PGBD5: variants seen among roughly 807,000 people sequenced by gnomAD.
The protein encoded by PGBD5 is piggyBac transposable element derived 5.
A neutral mutation model predicts 47.9 loss-of-function variants in PGBD5; 14 were observed. That is an observed-to-expected ratio of 0.29 (90% CI 0.19 to 0.46). The LOEUF is 0.46. Among genes scored for constraint, PGBD5 ranks in the 20% least tolerant of loss-of-function variants. The pLI is 1.00. For synonymous variants in PGBD5, 316 were observed against 306.3 expected, an observed-to-expected ratio of 1.03 and a Z score of -0.33; for missense variants, 635 against 716.0, an observed-to-expected ratio of 0.89 and a Z score of 1.29.
intron 1 of PGBD5, among the ~76,000 whole-genome samples, chr1:230,423,344 A>G (rs1038843425): frequency 2.0e-5 from 3 of 152,206 alleles, no homozygotes; most frequent in Non-Finnish European, 4.4e-5. Context: ...ATAAACAGGG[A>G]ACAAAGATGG....
At chr1:230,358,839 G>T (rs1558198941) in intron 1 of PGBD5, among the ~76,000 whole-genome samples, 1 of 152,170 alleles carries the variant, frequency 6.6e-6, no homozygotes, top group Non-Finnish European at 1.5e-5. Context: ...TGCCATACAG[G>T]TTTGTATAAG....
rs532774597 is a variant in PGBD5, at chr1:230,348,123, C to T, written c.894+2835G>A. Among the ~76,000 whole-genome samples the T allele has an allele frequency of 2.6e-5, 4 of 152,304 alleles. No homozygotes were observed. In the South Asian group the frequency reaches 8.3e-4, roughly 32 times the overall value. ...ACGGTCAGCTGCAACTGAGCTTCCCCGCTAAGTCATTCAGGAGAGCTCAAT... is the reference window on the plus strand; with the variant it reads ...ACGGTCAGCTGCAACTGAGCTTCCCTGCTAAGTCATTCAGGAGAGCTCAAT... On this transcript the variant is annotated intron_variant, in intron 3 of 6. Coordinates refer to ENST00000391860, the MANE Select transcript of PGBD5 (RefSeq NM_001258311.2).
At chr1:230,339,908 C>CA (rs1667384995) in intron 3 of PGBD5, among the ~76,000 whole-genome samples, 1 of 152,036 alleles carries the variant, frequency 6.6e-6, no homozygotes, top group African/African-American at 2.4e-5. Context: ...GGAATAAGTT[C>CA]AAGAGATCTA....
At chr1:230,361,943 A>T (rs1667750655) in intron 1 of PGBD5, among the ~76,000 whole-genome samples, 1 of 152,170 alleles carries the variant, frequency 6.6e-6, no homozygotes, top group South Asian at 2.1e-4. Context: ...CCCAGTGGGG[A>T]GTTGCGGGGT....
chr1:230,366,301 C>CT (rs1206230415), intron 1 of PGBD5, among the ~76,000 whole-genome samples: 1 of 152,136 alleles, frequency 6.6e-6, no homozygotes, highest in African/African-American at 2.4e-5. Flanking sequence ...ATAGTGCTGT[C>CT]TGTAGGGATG....
intron 1 of PGBD5, among the ~76,000 whole-genome samples, chr1:230,400,777 G>A (rs572564590): frequency 6.6e-6 from 1 of 152,214 alleles, no homozygotes; most frequent in South Asian, 2.1e-4. Context: ...AGAGTTCTAG[G>A]CTGTAGTGTG....
intron 1 of PGBD5, among the ~76,000 whole-genome samples, chr1:230,375,567 T>TAA (rs1247168755): frequency 4.6e-5 from 7 of 151,218 alleles, no homozygotes; most frequent in Non-Finnish European, 1.0e-4. Context: ...AGCATCTTCC[T>TAA]AATCCCTTAT....
At chr1:230,410,101 G>A (rs1275969977) in intron 1 of PGBD5, among the ~76,000 whole-genome samples, 3 of 152,288 alleles carry the variant, frequency 2.0e-5, no homozygotes, top group South Asian at 2.1e-4. Flanking sequence ...CCAGGCAAAT[G>A]CAAAGAAGAA....
Position 230,425,944 on chromosome 1 carries a change from C to T in PGBD5, c.-16G>A. 1 of 845,672 alleles carries T rather than the reference C, an allele frequency of 1.2e-6. No homozygotes were observed. Among genetic ancestry groups the T allele is most frequent in the Non-Finnish European group, 1.3e-6 (1 of 767,256 alleles). 52.4% of individuals were successfully genotyped at this position (845,672 alleles called of 1,614,324 possible). A position where few individuals can be genotyped will look rare whatever the true frequency, so the allele number is the denominator to read the frequency against. On this transcript the variant is annotated 5_prime_UTR_variant, in exon 1 of 7. Coordinates refer to ENST00000391860, the MANE Select transcript of PGBD5 (RefSeq NM_001258311.2). The surrounding 1 kb of genome is among the most constrained non-coding windows in gnomAD (Gnocchi z 4.7). The stretch of plus-strand genomic sequence containing the variant: ...CCTCGGCCATGGCCCCGGCCGCCGC[C>T]CGCGCGCCCGCCCCCACAGTGCCTC...
chr1:230,318,309 C>T lies in PGBD5; in HGVS notation c.*5116G>A, dbSNP rs1330236042. On this transcript the variant is annotated 3_prime_UTR_variant, in exon 7 of 7. Transcript: ENST00000391860. ...GAGAAATATTCTCGAAGATGAGACACACAGAAGCCACGGAGAAAAAGGGAT... is the reference window on the plus strand; with the variant it reads ...GAGAAATATTCTCGAAGATGAGACATACAGAAGCCACGGAGAAAAAGGGAT... 6.6e-6 allele frequency: 1 copy of T among 152,200 alleles called. No individual in the cohort carries two copies. The highest frequency in any genetic ancestry group is 1.5e-5 in the Non-Finnish European group (1 of 68,062). 9.4% of individuals were successfully genotyped at this position (152,200 alleles called of 1,614,324 possible).
At position 230,356,101 on chromosome 1, in the gene PGBD5, G is replaced by A. The variant is rs116244231; in HGVS notation, c.759+793C>T. 7.1e-3 allele frequency among the ~76,000 whole-genome samples: 1,081 copies of A among 152,342 alleles called. 11 individuals carry two copies. The highest frequency in any genetic ancestry group is 0.024 in the African/African-American group (1,011 of 41,584). Reference sequence around the variant, plus strand: ...ATACATAAAATTGAACTGAACTTCTGTTGCCACACAGACCAAGTCAAAGGG... The same window carrying A: ...ATACATAAAATTGAACTGAACTTCTATTGCCACACAGACCAAGTCAAAGGG... On this transcript the variant is annotated intron_variant, in intron 2 of 6. Coordinates refer to ENST00000391860, the MANE Select transcript of PGBD5 (RefSeq NM_001258311.2).
At chr1:230,386,755 GAC>G (rs1656652621) in intron 1 of PGBD5, among the ~76,000 whole-genome samples, 1 of 152,142 alleles carries the variant, frequency 6.6e-6, no homozygotes, top group African/African-American at 2.4e-5. Flanking sequence ...GATTTGGTAA[GAC>G]ATCTCTATAT....
chr1:230,393,955 G>A (rs955543827), intron 1 of PGBD5, among the ~76,000 whole-genome samples: 3 of 152,058 alleles, frequency 2.0e-5, no homozygotes, highest in African/African-American at 7.3e-5. Flanking sequence ...CCCCGGCCTG[G>A]CATCCTCTGC....
At chr1:230,343,420 T>G (rs1667435646) in intron 3 of PGBD5, among the ~76,000 whole-genome samples, 1 of 152,234 alleles carries the variant, frequency 6.6e-6, no homozygotes, top group Non-Finnish European at 1.5e-5. Context: ...TAATAAATAC[T>G]TTATTGTCAT....
chr1:230,394,065 C>T (rs1404520140), intron 1 of PGBD5, among the ~76,000 whole-genome samples: 1 of 152,012 alleles, frequency 6.6e-6, no homozygotes, highest in African/African-American at 2.4e-5. Context: ...CTACCTATGG[C>T]TCCTCAGAGA....
Position 230,347,482 on chromosome 1 carries a change from T to TC in PGBD5, c.894+3475_894+3476insG, listed in dbSNP as rs1667492799. On this transcript the variant is annotated intron_variant, in intron 3 of 6. Transcript: ENST00000391860. ...ATCATTTTCATTTTCTTTTCTTTTTTTTTTTTTTTTTTTTGAGATGGATTT... is the reference window on the plus strand; with the variant it reads ...ATCATTTTCATTTTCTTTTCTTTTTTCTTTTTTTTTTTTTTGAGATGGATTT... 4.8e-5 allele frequency among the ~76,000 whole-genome samples: 7 copies of TC among 146,984 alleles called. No homozygotes were observed. The South Asian group carries it at 1.5e-3, about 32-fold the overall frequency.
At chr1:230,411,553 G>A (rs765593316) in intron 1 of PGBD5, among the ~76,000 whole-genome samples, 3 of 152,120 alleles carry the variant, frequency 2.0e-5, no homozygotes, top group East Asian at 3.8e-4. Flanking sequence ...TATCTAACCC[G>A]TGATTCTACT....
At chr1:230,402,304 C>T (rs987826056) in intron 1 of PGBD5, among the ~76,000 whole-genome samples, 18 of 152,228 alleles carry the variant, frequency 1.2e-4, no homozygotes, top group Non-Finnish European at 2.4e-4. Context: ...CAGAAGTCCA[C>T]GTGGCCTAAC....
intron 4 of PGBD5, among the ~76,000 whole-genome samples, chr1:230,336,478 T>G (rs1667326454): frequency 6.6e-6 from 1 of 152,170 alleles, no homozygotes; most frequent in Non-Finnish European, 1.5e-5. Flanking sequence ...TGCTTCTGAG[T>G]GGACCAGATC....
Sources: allele counts gnomAD v4.1 joint callset (sites outside exome capture counted in the v4.1 genomes callset), GRCh38; gene constraint gnomAD v4.1.1; non-coding constraint Gnocchi (gnomAD v3.1); transcripts MANE v1.5; gene names NCBI Gene and HGNC (gene_info 2026-07-23, HGNC 2026-07-21).